Variants in PTPRD observed in about 807,000 individuals in gnomAD.
The protein encoded by PTPRD is receptor-type tyrosine-protein phosphatase delta.
In PTPRD, 34 loss-of-function variants were observed where a neutral mutation model predicts 214.5. The ratio of observed to expected loss-of-function variants is 0.16; its 90% CI spans 0.12 to 0.21. The LOEUF (loss-of-function observed/expected upper bound fraction) is 0.21, where lower values mean the gene tolerates loss of function less well. Among genes scored for constraint, PTPRD ranks in the 10% least tolerant of loss-of-function variants. The pLI is 1.00. For missense variants in PTPRD, 2,545 were observed against 2,398.7 expected (o/e 1.06, Z -1.27); for synonymous variants, 1,128 against 845.7 (o/e 1.33, Z -5.79).
intron 11 of PTPRD, among the ~76,000 whole-genome samples, chr9:8,739,136 C>A (rs1380089287): frequency 2.6e-5 from 4 of 152,300 alleles, no homozygotes; most frequent in South Asian, 2.1e-4. Context: ...CTGGCTGAAG[C>A]CTGAAGGAGG....
At chr9:10,526,655 T>C (rs2054377249) in intron 2 of PTPRD, among the ~76,000 whole-genome samples, 1 of 152,122 alleles carries the variant, frequency 6.6e-6, no homozygotes. Context: ...TTCTTTAATT[T>C]AATTATCTTT....
chr9:10,276,686 C>T (rs1419639345), intron 3 of PTPRD, among the ~76,000 whole-genome samples: 1 of 152,092 alleles, frequency 6.6e-6, no homozygotes, highest in African/African-American at 2.4e-5. Context: ...CTGGCATATG[C>T]CTAGAAAGTA....
In PTPRD at chr9:8,799,439, G is replaced by T. The variant is rs371343762; in HGVS notation, c.-103-65493C>A. ...AAGAGACCTGGAATTGTCCAGTTTG[G>T]AAGATATAAGCACTAAATACATCAG... On this transcript the variant is annotated intron_variant, in intron 11 of 45. Transcript: ENST00000381196. Among the ~76,000 whole-genome samples the T allele has an allele frequency of 2.0e-5, 3 of 152,174 alleles. No individual in the cohort carries two copies. In the East Asian group the frequency reaches 5.8e-4, roughly 29 times the overall value.
chr9:10,413,712 T>C (rs2154513099), intron 2 of PTPRD, among the ~76,000 whole-genome samples: 1 of 151,998 alleles, frequency 6.6e-6, no homozygotes, highest in African/African-American at 2.4e-5. Flanking sequence ...GAAACTACAC[T>C]ACGTGGCTAC....
intron 12 of PTPRD, among the ~76,000 whole-genome samples, chr9:8,653,485 A>G (rs1306925347): frequency 6.6e-6 from 1 of 152,134 alleles, no homozygotes; most frequent in Admixed American, 6.6e-5. Context: ...AGCTCCCACC[A>G]GTGGTCCTGA....
At chr9:9,215,187 G>T (rs1445846569) in intron 9 of PTPRD, among the ~76,000 whole-genome samples, 1 of 152,150 alleles carries the variant, frequency 6.6e-6, no homozygotes, top group African/African-American at 2.4e-5. Flanking sequence ...GTCATCTGCT[G>T]GTGGGAAATG....
intron 4 of PTPRD, among the ~76,000 whole-genome samples, chr9:10,018,757 G>C (rs1176110210): frequency 2.0e-5 from 3 of 151,040 alleles, no homozygotes; most frequent in Non-Finnish European, 4.4e-5. Context: ...CACCGTTTTA[G>C]CCGGGATGGT....
chr9:10,148,566 A>T (rs1427161481), intron 3 of PTPRD, among the ~76,000 whole-genome samples: 1 of 152,224 alleles, frequency 6.6e-6, no homozygotes, highest in Non-Finnish European at 1.5e-5. Context: ...TACTGATTCA[A>T]GGAAGAGGTC....
intron 9 of PTPRD, among the ~76,000 whole-genome samples, chr9:9,328,439 C>G (rs1380130831): frequency 6.6e-6 from 1 of 151,840 alleles, no homozygotes; most frequent in African/African-American, 2.4e-5. Context: ...TATTTCCATT[C>G]CATCTTATTA....
intron 11 of PTPRD, among the ~76,000 whole-genome samples, chr9:8,884,418 C>A (rs780500764): frequency 1.6e-4 from 25 of 152,072 alleles, no homozygotes; most frequent in Non-Finnish European, 2.8e-4. Flanking sequence ...AATGAGTAAC[C>A]CAGAAGGTAG....
intron 4 of PTPRD, among the ~76,000 whole-genome samples, chr9:10,001,938 CT>C (rs1194162948): frequency 6.6e-6 from 1 of 151,880 alleles, no homozygotes; most frequent in Non-Finnish European, 1.5e-5. Flanking sequence ...TTTTATACTC[CT>C]ACCTGACTTA....
chr9:9,544,758 T>C (rs576302547), intron 8 of PTPRD, among the ~76,000 whole-genome samples: 94 of 151,862 alleles, frequency 6.2e-4, no homozygotes, highest in Middle Eastern at 3.4e-3. Flanking sequence ...CTAAGCTTTA[T>C]GTATTTTATT....
intron 3 of PTPRD, among the ~76,000 whole-genome samples, chr9:10,126,946 CT>C (rs34691762): frequency 0.016 from 2,067 of 130,530 alleles, 60 homozygotes; most frequent in African/African-American, 0.054. Context: ...CTCAAATGGA[CT>C]TTTTTTTTTT....
intron 4 of PTPRD, among the ~76,000 whole-genome samples, chr9:10,024,394 T>A (rs560110247): frequency 2.6e-5 from 4 of 152,274 alleles, no homozygotes; most frequent in African/African-American, 9.6e-5. Context: ...CTTGAGAAAA[T>A]GGAACCCCTT....
chr9:9,763,386 A>C (rs550540896), intron 6 of PTPRD, among the ~76,000 whole-genome samples: 174 of 152,280 alleles, frequency 1.1e-3, no homozygotes, highest in Middle Eastern at 6.8e-3. Context: ...TATCTGTTTT[A>C]CATACATAAT....
chr9:8,711,522 G>A (rs1279311935), intron 12 of PTPRD, among the ~76,000 whole-genome samples: 1 of 151,948 alleles, frequency 6.6e-6, no homozygotes, highest in Non-Finnish European at 1.5e-5. Flanking sequence ...ACCTTGCCAA[G>A]CAAAAATAAT....
intron 2 of PTPRD, among the ~76,000 whole-genome samples, chr9:10,350,085 T>C (rs2097156792): frequency 6.6e-6 from 1 of 152,210 alleles, no homozygotes; most frequent in African/African-American, 2.4e-5. Context: ...GTGACACTAT[T>C]GATTAGACAA....
At chr9:10,575,629 T>C (rs1019699071) in intron 2 of PTPRD, among the ~76,000 whole-genome samples, 1 of 152,096 alleles carries the variant, frequency 6.6e-6, no homozygotes, top group Non-Finnish European at 1.5e-5. Context: ...CTGCTATACC[T>C]GCCTGCCAAG....
At chr9:9,754,751 T>C (rs1000448710) in intron 6 of PTPRD, among the ~76,000 whole-genome samples, 7 of 152,060 alleles carry the variant, frequency 4.6e-5, no homozygotes, top group Admixed American at 6.6e-5. Flanking sequence ...TTATGTAAAG[T>C]AGATTGTTCA....
Sources: gnomAD v4.1 joint callset for allele counts (sites outside exome capture counted in the v4.1 genomes callset) on GRCh38, gnomAD v4.1.1 for gene constraint, MANE v1.5 for transcripts, NCBI Gene and HGNC (gene_info 2026-07-23, HGNC 2026-07-21) for gene names.